The following ZBTB7C variants were observed in gnomAD, a reference collection of about 807,000 sequenced individuals.
ZBTB7C encodes zinc finger and BTB domain containing 7C.
ZBTB7C carries 8 observed loss-of-function variants against 25.7 expected under a neutral mutation model. The observed-to-expected ratio is 0.31, with a 90% CI of 0.18 to 0.56. ZBTB7C has a LOEUF of 0.56. Among genes scored for constraint, ZBTB7C ranks in the 20% least tolerant of loss-of-function variants. The pLI is 0.91. For missense variants in ZBTB7C, 824 were observed against 855.2 expected, an observed-to-expected ratio of 0.96 and a Z score of 0.46; for synonymous variants, 394 against 369.0, an observed-to-expected ratio of 1.07 and a Z score of -0.78.
intron 1 of ZBTB7C, among the ~76,000 whole-genome samples, chr18:48,376,226 T>C (rs750604848): frequency 6.6e-6 from 1 of 152,260 alleles, no homozygotes. Context: ...TAATATGTTC[T>C]TCTTATGTCC....
At chr18:48,260,498 T>A (rs1248967343) in intron 2 of ZBTB7C, among the ~76,000 whole-genome samples, 1 of 152,182 alleles carries the variant, frequency 6.6e-6, no homozygotes, top group Non-Finnish European at 1.5e-5. Context: ...CAATTTACTG[T>A]AATTCAGTTA....
intron 2 of ZBTB7C, among the ~76,000 whole-genome samples, chr18:48,228,428 A>C (rs2043160815): frequency 6.6e-6 from 1 of 152,108 alleles, no homozygotes; most frequent in African/African-American, 2.4e-5. Context: ...CCTTGCTATG[A>C]GAGAAGGTTA....
chr18:48,239,443 C>A (rs1224048576), intron 2 of ZBTB7C, among the ~76,000 whole-genome samples: 1 of 152,202 alleles, frequency 6.6e-6, no homozygotes, highest in Admixed American at 6.5e-5. Context: ...AAAACTACAA[C>A]CAAGGACCCT....
chr18:48,258,061 G>A (rs114987141), intron 2 of ZBTB7C, among the ~76,000 whole-genome samples: 7 of 151,900 alleles, frequency 4.6e-5, no homozygotes, highest in Non-Finnish European at 7.4e-5. Context: ...ACAAAAATAC[G>A]CTTGGAATAG....
At chr18:48,228,625 G>GC (rs1254455614) in intron 2 of ZBTB7C, among the ~76,000 whole-genome samples, 5 of 151,806 alleles carry the variant, frequency 3.3e-5, no homozygotes, top group Admixed American at 2.0e-4. Context: ...TGTGGTTGCC[G>GC]CCCCCCTGCC....
At chr18:48,190,294 A>G (rs1350786423) in intron 2 of ZBTB7C, among the ~76,000 whole-genome samples, 2 of 152,230 alleles carry the variant, frequency 1.3e-5, no homozygotes, top group Admixed American at 6.5e-5. Flanking sequence ...ATTACCATTG[A>G]TATTAACTAT....
At position 48,216,823 on chromosome 18, in the gene ZBTB7C, C is replaced by T. The variant is rs1028587457; in HGVS notation, c.-78-30828G>A. On this transcript the variant is annotated intron_variant, in intron 2 of 4. Coordinates refer to ENST00000590800, the MANE Select transcript of ZBTB7C (RefSeq NM_001318841.2). ...CATTTGTTGTGGGTTGAACTGTGTC[C>T]ACCCCGAATTCATGTGGTAAGGTCC... Among the ~76,000 whole-genome samples the T allele has an allele frequency of 4.6e-5, 7 of 152,250 alleles. No homozygotes were observed. In the South Asian group the frequency reaches 6.2e-4, roughly 14 times the overall value.
At chr18:48,320,267 G>A (rs766442154) in intron 2 of ZBTB7C, among the ~76,000 whole-genome samples, 25 of 152,196 alleles carry the variant, frequency 1.6e-4, no homozygotes, top group Non-Finnish European at 2.5e-4. Flanking sequence ...GGCGGGAGTG[G>A]AGCGAGGGGG....
intron 3 of ZBTB7C, among the ~76,000 whole-genome samples, chr18:48,122,403 G>A (rs1266007152): frequency 6.6e-6 from 1 of 152,040 alleles, no homozygotes; most frequent in Non-Finnish European, 1.5e-5. Context: ...TATTTTATAG[G>A]CACACAGGTG....
chr18:48,136,087 G>GC (rs139150772), intron 3 of ZBTB7C, among the ~76,000 whole-genome samples: 3,419 of 152,276 alleles, frequency 0.022, 128 homozygotes, highest in African/African-American at 0.079. Flanking sequence ...TGGGCGGCGG[G>GC]CAGGGGGGCG....
chr18:48,180,190 A>C, intron 3 of ZBTB7C: 2 of 177,340 alleles, frequency 1.1e-5, no homozygotes. Context: ...CCTTCCCTGC[A>C]AGGAAGATAT....
chr18:48,261,291 G>T (rs529049773), intron 2 of ZBTB7C, among the ~76,000 whole-genome samples: 1 of 152,224 alleles, frequency 6.6e-6, no homozygotes, highest in East Asian at 1.9e-4. Flanking sequence ...TCGAGTGCTG[G>T]GCAGGGCACC....
intron 2 of ZBTB7C, among the ~76,000 whole-genome samples, chr18:48,261,581 C>T (rs116847077): frequency 4.7e-4 from 71 of 152,300 alleles, no homozygotes; most frequent in Admixed American, 7.8e-4. Context: ...CTGAAGGATA[C>T]CCCTGATTCC....
chr18:48,220,788 A>G (rs2042931757), intron 2 of ZBTB7C, among the ~76,000 whole-genome samples: 1 of 152,106 alleles, frequency 6.6e-6, no homozygotes, highest in African/African-American at 2.4e-5. Context: ...AAATATCATA[A>G]ACTCCACTGT....
chr18:48,314,666 A>G (rs973101799), intron 2 of ZBTB7C, among the ~76,000 whole-genome samples: 5 of 152,120 alleles, frequency 3.3e-5, no homozygotes, highest in Admixed American at 6.6e-5. Flanking sequence ...AGCCTCTTCC[A>G]GAAATCCCCT....
chr18:48,137,493 T>C (rs1348128938), intron 3 of ZBTB7C: 1 of 203,084 alleles, frequency 4.9e-6, no homozygotes, highest in Non-Finnish European at 8.7e-6. Context: ...TTTATTATTA[T>C]TGTTTTATTC....
In ZBTB7C at chr18:48,377,342, T is replaced by C. The variant is rs61551073; in HGVS notation, c.-304+31884A>G. ...GAGCTGTACGAATTATCATAAAAAA[T>C]GCAGTGAGGGAAATAAATGCAAAGT... On this transcript the variant is annotated intron_variant, in intron 1 of 4. Coordinates refer to ENST00000590800, the MANE Select transcript of ZBTB7C (RefSeq NM_001318841.2). Among the ~76,000 whole-genome samples the C allele has an allele frequency of 5.9e-3, 905 of 152,200 alleles. 9 individuals carry two copies. Among genetic ancestry groups the C allele is most frequent in the African/African-American group, 0.021 (866 of 41,508 alleles).
At chr18:48,233,387 T>C (rs1337200797) in intron 2 of ZBTB7C, among the ~76,000 whole-genome samples, 2 of 152,222 alleles carry the variant, frequency 1.3e-5, no homozygotes, top group African/African-American at 4.8e-5. Context: ...GGTATTCTCT[T>C]ACAGAAGCAC....
At chr18:48,135,066 A>G (rs925019998) in intron 3 of ZBTB7C, among the ~76,000 whole-genome samples, 2 of 151,974 alleles carry the variant, frequency 1.3e-5, no homozygotes, top group Non-Finnish European at 2.9e-5. Context: ...CTCAACAGCA[A>G]TGCTTCCCAG....
Sources: gnomAD v4.1 joint callset for allele counts (sites outside exome capture counted in the v4.1 genomes callset) on GRCh38, gnomAD v4.1.1 for gene constraint, MANE v1.5 for transcripts, NCBI Gene and HGNC (gene_info 2026-07-23, HGNC 2026-07-21) for gene names.